MYO19: variants seen among roughly 807,000 people sequenced by gnomAD.
MYO19 encodes the protein unconventional myosin-XIX.
In MYO19, 132 loss-of-function variants were observed where a neutral mutation model predicts 129.2. The observed-to-expected ratio is 1.02, with a 90% CI of 0.89 to 1.18. The LOEUF (loss-of-function observed/expected upper bound fraction) is 1.18, where lower values mean the gene tolerates loss of function less well. MYO19 is among the 50% of genes most tolerant of loss of function. MYO19 has a pLI of 0.00. For synonymous variants in MYO19, 531 were observed against 477.2 expected, an observed-to-expected ratio of 1.11 and a Z score of -1.47; for missense variants, 1,210 against 1,216.7, an observed-to-expected ratio of 0.99 and a Z score of 0.08.
intron 6 of MYO19, among the ~76,000 whole-genome samples, chr17:36,519,466 T>C (rs2073006287): frequency 6.6e-6 from 1 of 152,162 alleles, no homozygotes; most frequent in Non-Finnish European, 1.5e-5. Flanking sequence ...TTTATCGTAA[T>C]TGTCACTATG....
At chr17:36,511,490 A>G (rs1567753908) in intron 11 of MYO19, 35 bp from the exon 12 acceptor site, 3 of 1,542,606 alleles carry the variant, frequency 1.9e-6, no homozygotes, top group Non-Finnish European at 2.6e-6. Flanking sequence ...GGAGTAGGAG[A>G]GGGCGTGACG....
chr17:36,537,928 T>C (rs2074165451), upstream of MYO19: 7 of 1,614,140 alleles, frequency 4.3e-6, no homozygotes, highest in Non-Finnish European at 5.1e-6. Flanking sequence ...CAGCTAGCCC[T>C]TGACTTTACC....
intron 6 of MYO19, among the ~76,000 whole-genome samples, chr17:36,518,983 T>C (rs1294542391): frequency 2.6e-5 from 4 of 152,196 alleles, no homozygotes; most frequent in African/African-American, 9.7e-5. Flanking sequence ...ATCTTTTTGT[T>C]TTTTGTTTTT....
At chr17:36,514,369 T>TG in intron 9 of MYO19, 77 bp downstream of exon 9, 1 of 928,254 alleles carries the variant, frequency 1.1e-6, no homozygotes, top group South Asian at 1.3e-5. Flanking sequence ...TGGAGCATTC[T>TG]GGGGAGTGGG....
At position 36,503,207 on chromosome 17, in the gene MYO19, G is replaced by A. The variant is rs1180131188; in HGVS notation, c.1977-7C>T. ...AAAGTTTCGGTGAGAGACCCTGGAG[G>A]CCAAAGCAGGCAGAAGTAGAGAATT... On this transcript the variant is annotated splice_region_variant and splice_polypyrimidine_tract_variant and intron_variant, in intron 20 of 25. Transcript: ENST00000614623. 3 of 1,608,070 alleles carry A rather than the reference G, an allele frequency of 1.9e-6. No homozygotes were observed. In the Admixed American group the frequency reaches 5.0e-5, roughly 27 times the overall value.
intron 6 of MYO19, among the ~76,000 whole-genome samples, chr17:36,522,028 T>TCAAAAAAAAAAAAAAAAAAA (rs1567777190): frequency 1.7e-5 from 2 of 115,274 alleles, no homozygotes; most frequent in Non-Finnish European, 1.8e-5. Flanking sequence ...AGACTGTCTT[T>TCAAAAAAAAAAAAAAAAAAA]AAAAAAAAAA....
chr17:36,503,977 T>C lies in MYO19; in HGVS notation c.1949A>G (p.His650Arg), dbSNP rs192033792. The change falls in exon 20 of 26, where the codon CAT becomes CGT. Residue 650 changes from histidine to arginine, a missense_variant. Transcript: ENST00000614623. ...GATGGGGAAGCCAGCAGCACTGATA[T>C]GGATGGTCTCCACGAGGCCACAGGC... is the stretch of plus-strand genomic sequence containing the variant. ...LEACGLVETI[H>R]ISAAGFPIRV... The C allele has an allele frequency of 2.4e-5, 39 of 1,592,402 alleles. No individual in the cohort carries two copies. Among genetic ancestry groups the C allele is most frequent in the Admixed American group, 5.3e-5 (3 of 56,830 alleles).
At chr17:36,513,795 T>A in intron 9 of MYO19, 70 bp from the exon 10 acceptor site, 1 of 1,389,396 alleles carries the variant, frequency 7.2e-7, no homozygotes, top group Non-Finnish European at 1.0e-6. Context: ...TAGGCAGGCA[T>A]GGGGTTGGGA....
chr17:36,506,765 G>C (rs2071922469), intron 17 of MYO19, 157 bp from the exon 18 acceptor site: 7 of 1,092,624 alleles, frequency 6.4e-6, no homozygotes, highest in Non-Finnish European at 8.9e-6. Context: ...TGGAGACCCA[G>C]TCTAACATGG....
chr17:36,542,500 C>G (rs1459844619), intron 1 of MYO19, among the ~76,000 whole-genome samples: 1 of 151,982 alleles, frequency 6.6e-6, no homozygotes, highest in East Asian at 2.0e-4. Flanking sequence ...GAGATCAAGA[C>G]CATCCTGGCT....
intron 6 of MYO19, among the ~76,000 whole-genome samples, chr17:36,519,090 T>C (rs1008555820): frequency 3.3e-5 from 5 of 152,222 alleles, no homozygotes; most frequent in Non-Finnish European, 7.3e-5. Flanking sequence ...GATATGGGTT[T>C]TCCCCACATT....
At position 36,500,896 on chromosome 17, in the gene MYO19, C is replaced by T. The variant is rs757594810; in HGVS notation, c.2311G>A (p.Gly771Ser). ...LEQCARCIQG[G>S]WRRHRHREQE... ...TCTCGGTGCCGGTGTCGCCTCCAGC[C>T]ACCCTGGATGCAGCGGGCACACTGC... The change falls in exon 23 of 26, where the codon GGC (glycine) becomes AGC (serine). Residue 771 changes from glycine to serine, a missense_variant. Physicochemically the swap from Gly to Ser is moderately conservative, Grantham distance 56. Transcript: ENST00000614623. The T allele has an allele frequency of 5.0e-6, 8 of 1,608,440 alleles. No homozygotes were observed. In the Admixed American group the frequency reaches 8.4e-5, roughly 17 times the overall value.
In MYO19 at chr17:36,498,470, C is replaced by G; in HGVS notation, c.2553G>C (p.Pro851=). 1 of 1,614,056 alleles carries G rather than the reference C, an allele frequency of 6.2e-7. No homozygotes were observed. Among genetic ancestry groups the G allele is most frequent in the Non-Finnish European group, 8.5e-7 (1 of 1,179,890 alleles). ...TTGCCTCCAGGAGCCTGGTCTGCAG[C>G]GGCGAGGTGCTCAGGGAACAGGGAG... ...SQAPCSLSTS[P]LQTRLLEAII... is the part of the protein sequence containing the mutation. Residue 851 remains proline (P), a synonymous_variant, in exon 25 of 26, where the codon CCG becomes CCC. Transcript: ENST00000614623.
rs918336803 is a variant in MYO19, at chr17:36,495,697, C to T, written c.*554G>A. 2.4e-6 allele frequency: 3 copies of T among 1,260,656 alleles called. No individual in the cohort carries two copies. Among genetic ancestry groups the T allele is most frequent in the Non-Finnish European group, 3.0e-6 (3 of 1,005,030 alleles). 78.1% of individuals were successfully genotyped at this position (1,260,656 alleles called of 1,614,324 possible). A position where few individuals can be genotyped will look rare whatever the true frequency, so the allele number is the denominator to read the frequency against. ...GACATCATAAACGATATCAAGCTTA[C>T]ACTTCATATGGAGTTAAACTTGGTC... On this transcript the variant is annotated 3_prime_UTR_variant, in exon 26 of 26. Transcript: ENST00000614623.
At chr17:36,511,241 T>C (rs569339372) in intron 12 of MYO19, 124 bp downstream of exon 12, 1 of 1,019,262 alleles carries the variant, frequency 9.8e-7, no homozygotes, top group South Asian at 1.5e-5. Flanking sequence ...GGCCAGGCCC[T>C]ATGGTGGGTG....
chr17:36,497,156 C>T (rs1599177529), intron 25 of MYO19, among the ~76,000 whole-genome samples: 1 of 149,150 alleles, frequency 6.7e-6, no homozygotes, highest in Non-Finnish European at 1.5e-5. Flanking sequence ...ATGGCGAAAC[C>T]CCGTCTCTAT....
At position 36,507,530 on chromosome 17, in the gene MYO19, A is replaced by G. The variant is rs1456842209; in HGVS notation, c.1354-18T>C. On this transcript the variant is annotated intron_variant, in intron 15 of 25. Transcript: ENST00000614623. ...TATTCCTCCTAAAGAACAAGGTGGG[A>G]TGAGGTGGGAGAAGGCAGCTGTGGT... The G allele has an allele frequency of 6.2e-7, 1 of 1,610,020 alleles. No individual in the cohort carries two copies. The highest frequency in any genetic ancestry group is 8.5e-7 in the Non-Finnish European group (1 of 1,177,942).
intron 6 of MYO19, among the ~76,000 whole-genome samples, chr17:36,522,028 T>TCAAAAAAAAAAAA (rs1567777190): frequency 7.8e-5 from 9 of 115,266 alleles, no homozygotes; most frequent in East Asian, 2.6e-4. Context: ...AGACTGTCTT[T>TCAAAAAAAAAAAA]AAAAAAAAAA....
Position 36,495,821 on chromosome 17 carries a change from A to C in MYO19, c.*430T>G. Reference sequence around the variant, plus strand: ...AAATAAATCAACTAATTAAATACTAAAGTTTTGTTCCTTTTTAAAGGAAAT... The same window carrying C: ...AAATAAATCAACTAATTAAATACTACAGTTTTGTTCCTTTTTAAAGGAAAT... On this transcript the variant is annotated 3_prime_UTR_variant, in exon 26 of 26. Coordinates refer to ENST00000614623, the MANE Select transcript of MYO19 (RefSeq NM_001163735.2). 1 of 1,241,934 alleles carries C rather than the reference A, an allele frequency of 8.1e-7. No individual in the cohort carries two copies. Among genetic ancestry groups the C allele is most frequent in the South Asian group, 4.0e-5 (1 of 24,796 alleles). 76.9% of individuals were successfully genotyped at this position (1,241,934 alleles called of 1,614,324 possible).
Sources: allele counts gnomAD v4.1 joint callset (sites outside exome capture counted in the v4.1 genomes callset), GRCh38; gene constraint gnomAD v4.1.1; transcripts MANE v1.5; gene names NCBI Gene and HGNC (gene_info 2026-07-23, HGNC 2026-07-21).